The following RELN variants were observed in gnomAD, a reference collection of about 807,000 sequenced individuals.
The protein encoded by RELN is reelin.
Under a neutral mutation model 427.6 loss-of-function variants are expected in RELN, and 108 were observed. That is an observed-to-expected ratio of 0.25 (90% confidence interval 0.22 to 0.30). RELN has a LOEUF of 0.30. Ranked by LOEUF, RELN falls within the 10% of genes least tolerant of loss-of-function variation. The pLI, the probability that RELN is intolerant of heterozygous loss-of-function variation, is 1.00. For missense variants in RELN, 3,715 were observed against 4,302.8 expected, an observed-to-expected ratio of 0.86 and a Z score of 3.82; for synonymous variants, 1,524 against 1,513.4, an observed-to-expected ratio of 1.01 and a Z score of -0.16.
intron 35 of RELN, 32 bp from the exon 36 acceptor site, chr7:103,561,741 T>C: frequency 6.2e-7 from 1 of 1,613,736 alleles, no homozygotes; most frequent in Non-Finnish European, 8.5e-7. Context: ...GAAAAGACAT[T>C]TGTCACACGT....
intron 2 of RELN, among the ~76,000 whole-genome samples, chr7:103,911,173 C>T (rs1292322819): frequency 1.4e-5 from 2 of 140,456 alleles, no homozygotes; most frequent in African/African-American, 5.9e-5. Flanking sequence ...AACAAACAAC[C>T]CCATCAAAAA....
intron 4 of RELN, among the ~76,000 whole-genome samples, chr7:103,767,379 C>A (rs1791452966): frequency 6.6e-6 from 1 of 152,132 alleles, no homozygotes; most frequent in African/African-American, 2.4e-5. Flanking sequence ...GAGTCCAGAG[C>A]TTTGAATTCT....
chr7:103,712,005 C>T (rs1391166893), intron 8 of RELN, among the ~76,000 whole-genome samples: 1 of 151,962 alleles, frequency 6.6e-6, no homozygotes, highest in Non-Finnish European at 1.5e-5. Context: ...CTACATTGAC[C>T]CTCATAGACC....
chr7:103,783,476 A>G (rs1354895728), intron 3 of RELN, among the ~76,000 whole-genome samples: 1 of 152,172 alleles, frequency 6.6e-6, no homozygotes, highest in Non-Finnish European at 1.5e-5. Flanking sequence ...TGCTTTTGCT[A>G]TCTTTACTGC....
chr7:103,957,356 G>A (rs999523295), intron 1 of RELN, among the ~76,000 whole-genome samples: 1 of 152,188 alleles, frequency 6.6e-6, no homozygotes, highest in Non-Finnish European at 1.5e-5. Flanking sequence ...AGAAAAATAA[G>A]AGCCCTGAAC....
intron 4 of RELN, among the ~76,000 whole-genome samples, chr7:103,768,216 T>A (rs1791472118): frequency 6.6e-6 from 1 of 152,118 alleles, no homozygotes; most frequent in African/African-American, 2.4e-5. Flanking sequence ...CATCTTTTAC[T>A]CTCAAAATAA....
At chr7:103,938,191 C>T (rs1235523725) in intron 1 of RELN, among the ~76,000 whole-genome samples, 1 of 151,998 alleles carries the variant, frequency 6.6e-6, no homozygotes, top group African/African-American at 2.4e-5. Context: ...TGTGGTGGCG[C>T]ATGCCTGTTA....
chr7:103,596,425 C>T, intron 25 of RELN, 31 bp downstream of exon 25: 2 of 1,564,426 alleles, frequency 1.3e-6, no homozygotes, highest in Non-Finnish European at 1.8e-6. Context: ...TTCCTGGAAA[C>T]TAATGCGAGG....
intron 16 of RELN, among the ~76,000 whole-genome samples, chr7:103,645,225 T>C (rs1584372378): frequency 6.6e-6 from 1 of 151,856 alleles, no homozygotes; most frequent in South Asian, 2.1e-4. Flanking sequence ...CTAATGAGAC[T>C]GCAAAGCAAC....
intron 8 of RELN, among the ~76,000 whole-genome samples, chr7:103,710,869 C>T (rs1789777495): frequency 6.6e-6 from 1 of 152,238 alleles, no homozygotes; most frequent in African/African-American, 2.4e-5. Context: ...CATGGTGAAA[C>T]CCCGTCTCAA....
intron 2 of RELN, among the ~76,000 whole-genome samples, chr7:103,839,068 A>C (rs112091832): frequency 2.6e-5 from 4 of 152,228 alleles, no homozygotes; most frequent in Non-Finnish European, 4.4e-5. Flanking sequence ...AATAATTTGC[A>C]TTAGAAATGT....
chr7:103,976,362 C>G (rs1455161169), intron 1 of RELN, among the ~76,000 whole-genome samples: 1 of 152,098 alleles, frequency 6.6e-6, no homozygotes, highest in Admixed American at 6.5e-5. Context: ...GCAGAGCACC[C>G]AGGCTGCTAT....
At chr7:103,822,441 T>C (rs1793037480) in intron 3 of RELN, among the ~76,000 whole-genome samples, 1 of 152,066 alleles carries the variant, frequency 6.6e-6, no homozygotes, top group African/African-American at 2.4e-5. Flanking sequence ...AATTACCAAA[T>C]TGGTATTTCC....
chr7:103,513,896 C>G (rs1829490852), intron 50 of RELN: 3 of 151,098 alleles, frequency 2.0e-5, no homozygotes. Flanking sequence ...TGGTTATCCC[C>G]TGAGTGATTT....
intron 8 of RELN, among the ~76,000 whole-genome samples, chr7:103,711,382 A>G (rs142006264): frequency 1.3e-5 from 2 of 152,286 alleles, no homozygotes; most frequent in East Asian, 3.9e-4. Context: ...GCACTGCACT[A>G]CATTCCTACA....
At chr7:103,962,637 C>T (rs1203007160) in intron 1 of RELN, among the ~76,000 whole-genome samples, 2 of 121,662 alleles carry the variant, frequency 1.6e-5, no homozygotes, top group East Asian at 4.5e-4. Flanking sequence ...ATTTTCCATT[C>T]CAAAGTTGTT....
Position 103,553,836 on chromosome 7 carries a change from G to A in RELN, c.5798-5C>T, listed in dbSNP as rs756727157. ...TCCAGATTTCTTCTTTCTTACCTAA[G>A]GCATTTTTGGATAAAGCAAGTTTTT... On this transcript the variant is annotated splice_polypyrimidine_tract_variant and splice_region_variant and intron_variant, in intron 38 of 64. Coordinates refer to ENST00000428762, the MANE Select transcript of RELN (RefSeq NM_005045.4). 2 of 1,613,474 alleles carry A rather than the reference G, an allele frequency of 1.2e-6. No individual in the cohort carries two copies. The highest frequency in any genetic ancestry group is 2.2e-5 in the South Asian group (2 of 91,068).
chr7:103,566,259 G>A lies in RELN; in HGVS notation c.4901C>T (p.Ser1634Phe). ...AGTGAATATCAGAGCAGTATCCATA[G>A]AGAGACAGTCAATATCAACTTGACC... is the stretch of plus-strand genomic sequence containing the variant. Reference protein sequence around the residue: ...QGGQVDIDCLSMDTALIFTEN... With the variant: ...QGGQVDIDCLFMDTALIFTEN... The change falls in exon 33 of 65, where the codon TCT becomes TTT. Residue 1634 changes from serine (S) to phenylalanine (F), a missense_variant. Transcript: ENST00000428762. The A allele has an allele frequency of 6.2e-7, 1 of 1,613,870 alleles. No homozygotes were observed. Among genetic ancestry groups the A allele is most frequent in the Non-Finnish European group, 8.5e-7 (1 of 1,179,830 alleles).
At chr7:103,522,330 C>A in intron 47 of RELN, 131 bp from the exon 48 acceptor site, 2 of 808,070 alleles carry the variant, frequency 2.5e-6, no homozygotes, top group Admixed American at 2.0e-5. Flanking sequence ...AGAGAGCTTG[C>A]CAGAATACAC....
Sources: gnomAD v4.1 joint callset for allele counts (sites outside exome capture counted in the v4.1 genomes callset) on GRCh38, gnomAD v4.1.1 for gene constraint, MANE v1.5 for transcripts, NCBI Gene and HGNC (gene_info 2026-07-23, HGNC 2026-07-21) for gene names.